MRM1: variants seen among roughly 807,000 people sequenced by gnomAD.
MRM1 encodes rRNA methyltransferase 1, mitochondrial.
Under a neutral mutation model 25.0 loss-of-function variants are expected in MRM1, and 24 were observed. That is an observed-to-expected ratio of 0.96 (90% CI 0.69 to 1.35). MRM1 has a LOEUF of 1.35. MRM1 is among the 40% of genes most tolerant of loss of function. MRM1 has a pLI of 0.00. For synonymous variants in MRM1, 188 were observed against 199.2 expected, an observed-to-expected ratio of 0.94 and a Z score of 0.47; for missense variants, 431 against 464.1, an observed-to-expected ratio of 0.93 and a Z score of 0.65.
At chr17:36,610,616 C>G (rs184839944), downstream of MRM1, among the ~76,000 whole-genome samples, 7 of 152,288 alleles carry the variant, frequency 4.6e-5, no homozygotes, top group African/African-American at 1.4e-4. Flanking sequence ...CTTCTGCCCC[C>G]CTTGAGCTCC....
At chr17:36,615,320 T>G in the MRM1 span, among the ~76,000 whole-genome samples, 6 of 152,158 alleles carry the variant, frequency 3.9e-5, no homozygotes, top group East Asian at 1.2e-3. Flanking sequence ...AGAAGGGAGA[T>G]TCCATGAGAA....
chr17:36,618,637 GC>G, the MRM1 span, among the ~76,000 whole-genome samples: 1 of 152,160 alleles, frequency 6.6e-6, no homozygotes, highest in African/African-American at 2.4e-5. Context: ...GGAAATAGAG[GC>G]TGGGTGCCAC....
At chr17:36,623,872 C>T in the MRM1 span, among the ~76,000 whole-genome samples, 2 of 152,280 alleles carry the variant, frequency 1.3e-5, no homozygotes, top group African/African-American at 4.8e-5. Flanking sequence ...CCTCTGCTTC[C>T]ACTTCATGCC....
At chr17:36,603,172 C>T (rs548363334) in intron 2 of MRM1, 13 of 982,502 alleles carry the variant, frequency 1.3e-5, no homozygotes, top group Non-Finnish European at 1.3e-5. Flanking sequence ...ACCATACCCC[C>T]CCCAACCCCC....
the MRM1 span, among the ~76,000 whole-genome samples, chr17:36,615,184 G>A: frequency 1.3e-5 from 2 of 152,164 alleles, no homozygotes; most frequent in African/African-American, 4.8e-5. Context: ...CATTTCAGAG[G>A]ACACCCTTCA....
At chr17:36,625,165 C>G in the MRM1 span, among the ~76,000 whole-genome samples, 1 of 152,218 alleles carries the variant, frequency 6.6e-6, no homozygotes, top group Non-Finnish European at 1.5e-5. Context: ...TCTGCTCTCT[C>G]TCCACCTGAT....
chr17:36,601,649 G>A lies in MRM1; in HGVS notation c.-162G>A. 2 of 733,366 alleles carry A rather than the reference G, an allele frequency of 2.7e-6. No individual in the cohort carries two copies. 45.4% of individuals were successfully genotyped at this position (733,366 alleles called of 1,614,324 possible). A position where few individuals can be genotyped will look rare whatever the true frequency, so the allele number is the denominator to read the frequency against. ...GTGGTCGTAGCTCGGTAGTCCAGTT[G>A]TGGGTAATCGGGGCTGTTTGTTCCT... is the stretch of plus-strand genomic sequence containing the variant. On this transcript the variant is annotated 5_prime_UTR_variant, in exon 1 of 5. In the 5' UTR this introduces an upstream ATG that the reference lacks. Coordinates refer to ENST00000614766, the MANE Select transcript of MRM1 (RefSeq NM_024864.5).
intron 2 of MRM1, among the ~76,000 whole-genome samples, chr17:36,605,444 G>A (rs543307669): frequency 4.6e-5 from 7 of 151,794 alleles, no homozygotes; most frequent in Non-Finnish European, 1.0e-4. Context: ...AAAATGCTGG[G>A]ATTACAGGCG....
chr17:36,623,445 TA>T, the MRM1 span, among the ~76,000 whole-genome samples: 2 of 152,166 alleles, frequency 1.3e-5, no homozygotes, highest in Non-Finnish European at 2.9e-5. Flanking sequence ...AGCAACTAAT[TA>T]GGGGTGTGCT....
chr17:36,626,043 CTG>C, the MRM1 span, among the ~76,000 whole-genome samples: 1 of 151,566 alleles, frequency 6.6e-6, no homozygotes, highest in African/African-American at 2.4e-5. Context: ...TTCCTTGCGT[CTG>C]TGTCAGGTGC....
At position 36,602,190 on chromosome 17, in the gene MRM1, G is replaced by T; in HGVS notation, c.380G>T (p.Arg127Leu). The change falls in exon 1 of 5, where the codon CGG becomes CTG. Residue 127 changes from arginine to leucine, a missense_variant. Physicochemically the swap from Arg to Leu is moderately radical, Grantham distance 102. Transcript: ENST00000614766. The surrounding 1 kb of genome is among the most constrained non-coding windows in gnomAD (Gnocchi z 4.1). ...QGVCMEVSPL[R>L]PRPWREAGEA... ...GTCTGCATGGAGGTGAGCCCGCTGC[G>T]GCCCCGGCCTTGGAGAGAGGCCGGG... The T allele has an allele frequency of 6.2e-7, 1 of 1,610,886 alleles. No individual in the cohort carries two copies. The highest frequency in any genetic ancestry group is 8.5e-7 in the Non-Finnish European group (1 of 1,178,148).
chr17:36,613,183 C>T (rs2074986921), downstream of MRM1, among the ~76,000 whole-genome samples: 1 of 152,016 alleles, frequency 6.6e-6, no homozygotes, highest in South Asian at 2.1e-4. Context: ...TGGCAGGAGG[C>T]TAAATTGTCA....
In MRM1 at chr17:36,608,086, A is replaced by C. The variant is rs1232575569; in HGVS notation, c.889+68A>C. On this transcript the variant is annotated intron_variant, in intron 4 of 4. Transcript: ENST00000614766. ...CGCAGGTGGGATTTGATGCCCTCTA[A>C]TCCCATTTGCTGGCTGTTTGTGTGC... 7.6e-6 allele frequency: 12 copies of C among 1,573,454 alleles called. No homozygotes were observed. In the East Asian group the frequency reaches 2.5e-4, roughly 33 times the overall value.
At chr17:36,627,351 C>T in the MRM1 span, among the ~76,000 whole-genome samples, 5 of 152,198 alleles carry the variant, frequency 3.3e-5, no homozygotes, top group Admixed American at 6.5e-5. Context: ...TGCCAGCCGC[C>T]GTTGACCTCA....
chr17:36,620,602 T>C, the MRM1 span, among the ~76,000 whole-genome samples: 21 of 152,260 alleles, frequency 1.4e-4, no homozygotes, highest in African/African-American at 5.1e-4. Context: ...CTCAGAATAT[T>C]TCACAGGGGC....
the MRM1 span, among the ~76,000 whole-genome samples, chr17:36,633,870 T>C: frequency 6.6e-6 from 1 of 152,202 alleles, no homozygotes; most frequent in Non-Finnish European, 1.5e-5. Flanking sequence ...TCTCCTCCTC[T>C]GTCTCTCTCA....
At chr17:36,612,709 T>C (rs918925309), downstream of MRM1, among the ~76,000 whole-genome samples, 4 of 152,164 alleles carry the variant, frequency 2.6e-5, no homozygotes, top group African/African-American at 9.7e-5. Context: ...TGTGGACATG[T>C]CCCTTAAATT....
At chr17:36,613,908 C>A (rs1599590709), downstream of MRM1, among the ~76,000 whole-genome samples, 1 of 151,990 alleles carries the variant, frequency 6.6e-6, no homozygotes, top group African/African-American at 2.4e-5. Flanking sequence ...AGTCACTTAC[C>A]CTGATTGAGC....
rs753771681 is a variant in MRM1, at chr17:36,602,120, C to T, written c.310C>T (p.Arg104Trp). Residue 104 changes from arginine (R) to tryptophan (W), a missense_variant, in exon 1 of 5, where the codon CGG becomes TGG. Coordinates refer to ENST00000614766, the MANE Select transcript of MRM1 (RefSeq NM_024864.5). The surrounding 1 kb of genome is among the most constrained non-coding windows in gnomAD (Gnocchi z 4.1). ...GGACATTCCAGTTCTGCGGCCCAGACGGCAGAAACTGGACACAATGTGCCG... is the reference window on the plus strand; with the variant it reads ...GGACATTCCAGTTCTGCGGCCCAGATGGCAGAAACTGGACACAATGTGCCG... ...ARDIPVLRPR[R>W]QKLDTMCRYQ... 1.2e-6 allele frequency: 2 copies of T among 1,612,306 alleles called. No homozygotes were observed. Among genetic ancestry groups the T allele is most frequent in the African/African-American group, 2.7e-5 (2 of 74,924 alleles).
Sources: gnomAD v4.1 joint callset for allele counts (sites outside exome capture counted in the v4.1 genomes callset) on GRCh38, gnomAD v4.1.1 for gene constraint, Gnocchi (gnomAD v3.1) non-coding constraint, MANE v1.5 for transcripts, NCBI Gene and HGNC (gene_info 2026-07-23, HGNC 2026-07-21) for gene names.